Variants in TOMM7 observed in about 807,000 individuals in gnomAD.
The protein encoded by TOMM7 is mitochondrial import receptor subunit TOM7 homolog.
Under a neutral mutation model 9.5 loss-of-function variants are expected in TOMM7, and 8 were observed. The observed-to-expected ratio is 0.84, with a 90% confidence interval of 0.49 to 1.51. The LOEUF is 1.51. TOMM7 is among the 40% of genes most tolerant of loss of function. TOMM7 has a pLI of 0.00. For missense variants in TOMM7, 74 were observed against 63.7 expected (o/e 1.16, Z -0.55); for synonymous variants, 27 against 21.4 (o/e 1.26, Z -0.72).
At chr7:22,816,636 G>A (rs542208523) in intron 2 of TOMM7, among the ~76,000 whole-genome samples, 1 of 152,218 alleles carries the variant, frequency 6.6e-6, no homozygotes, top group Non-Finnish European at 1.5e-5. Context: ...AACTGCAGAA[G>A]TGAACAATTT....
At chr7:22,820,165 C>T (rs1213227297) in intron 1 of TOMM7, among the ~76,000 whole-genome samples, 2 of 152,144 alleles carry the variant, frequency 1.3e-5, no homozygotes, top group African/African-American at 2.4e-5. Flanking sequence ...CAGCAAGACC[C>T]TGTCTCTATT....
chr7:22,815,940 A>G (rs1004856384), intron 2 of TOMM7, among the ~76,000 whole-genome samples: 8 of 152,194 alleles, frequency 5.3e-5, no homozygotes, highest in Non-Finnish European at 1.0e-4. Flanking sequence ...CTAGAAGCAG[A>G]TTTCCATCCA....
At chr7:22,818,446 T>TG (rs1782344644) in intron 1 of TOMM7, 1 of 159,628 alleles carries the variant, frequency 6.3e-6, no homozygotes, top group African/African-American at 2.4e-5. Context: ...CCCAGCTAAA[T>TG]TTTTTTGTAT....
At chr7:22,821,047 T>C (rs1320106609) in intron 1 of TOMM7, among the ~76,000 whole-genome samples, 1 of 152,078 alleles carries the variant, frequency 6.6e-6, no homozygotes, top group Non-Finnish European at 1.5e-5. Context: ...ATGCTCAAAC[T>C]GACACAGCTG....
At position 22,822,736 on chromosome 7, in the gene TOMM7, A is replaced by G. The variant is rs1247414608; in HGVS notation, c.44T>C (p.Leu15Pro). The change falls in exon 1 of 3, where the codon CTC becomes CCC. Residue 15 changes from leucine (L) to proline (P), a missense_variant. Physicochemically the swap from Leu to Pro is moderately conservative, Grantham distance 98 (BLOSUM62 -3). Transcript: ENST00000358435. ...SKEAKQRLQQ[L>P]FKGSQFAIRW... ...AATGGCAAACTGGCTCCCCTTGAAGAGCTGCTGTAGTCTCTGCTTGGCCTC... is the reference window on the plus strand; with the variant it reads ...AATGGCAAACTGGCTCCCCTTGAAGGGCTGCTGTAGTCTCTGCTTGGCCTC... The G allele has an allele frequency of 6.2e-7, 1 of 1,614,064 alleles. No homozygotes were observed.
intron 2 of TOMM7, among the ~76,000 whole-genome samples, chr7:22,816,690 C>T (rs1475070050): frequency 6.6e-6 from 1 of 152,200 alleles, no homozygotes; most frequent in Non-Finnish European, 1.5e-5. Context: ...AAAAGACCTT[C>T]CTCTGAAAAA....
intron 1 of TOMM7, among the ~76,000 whole-genome samples, chr7:22,821,341 CGGAGCT>C (rs1289876671): frequency 6.7e-5 from 10 of 149,078 alleles, no homozygotes; most frequent in African/African-American, 2.5e-4. Flanking sequence ...ACCCGGGAGG[CGGAGCT>C]TGCAGTGAGC....
intron 2 of TOMM7, chr7:22,817,484 C>T: frequency 4.2e-6 from 1 of 236,974 alleles, no homozygotes; most frequent in Non-Finnish European, 9.1e-6. Flanking sequence ...TTCAAGCAAT[C>T]CTCCCATGAT....
chr7:22,821,265 G>GCCC (rs1782385321), intron 1 of TOMM7, among the ~76,000 whole-genome samples: 1 of 151,990 alleles, frequency 6.6e-6, no homozygotes, highest in South Asian at 2.1e-4. Context: ...CAAAATATTA[G>GCCC]CCCGGCATGG....
Position 22,822,797 on chromosome 7 carries a change from G to C in TOMM7, c.-18C>G, listed in dbSNP as rs1782413978. 4 of 1,604,542 alleles carry C rather than the reference G, an allele frequency of 2.5e-6. No homozygotes were observed. The highest frequency in any genetic ancestry group is 3.4e-6 in the Non-Finnish European group (4 of 1,171,298). ...TTCACCATGGCGACGGCCGTGTGGC[G>C]CAGGGAGGACCCCTTACAGCAACCA... On this transcript the variant is annotated 5_prime_UTR_variant, in exon 1 of 3. Coordinates refer to ENST00000358435, the MANE Select transcript of TOMM7 (RefSeq NM_019059.5).
In TOMM7 at chr7:22,817,984, G is replaced by T. The variant is rs1246840270; in HGVS notation, c.152+16C>A. ...ATGAACATTTGTCCTGAAATGTTTA[G>T]TTTTAAGAGCAGTACCTCAAAACAG... On this transcript the variant is annotated intron_variant, in intron 2 of 2. Transcript: ENST00000358435. 6.2e-7 allele frequency: 1 copy of T among 1,612,598 alleles called. No homozygotes were observed. Among genetic ancestry groups the T allele is most frequent in the Non-Finnish European group, 8.5e-7 (1 of 1,178,956 alleles).
rs1179196948 is a variant in TOMM7 at position 22,820,216 on chromosome 7, G to A, written c.104-2168C>T. Among the ~76,000 whole-genome samples, 4 of 152,164 alleles carry A rather than the reference G, an allele frequency of 2.6e-5. No homozygotes were observed. In the East Asian group the frequency reaches 7.7e-4, roughly 29 times the overall value. On this transcript the variant is annotated intron_variant, in intron 1 of 2. Coordinates refer to ENST00000358435, the MANE Select transcript of TOMM7 (RefSeq NM_019059.5). The stretch of plus-strand genomic sequence containing the variant: ...GTTTAGACATAAAATTAAATATACA[G>A]TATAAAGGAAAAGACAATGATAGAC...
Position 22,822,757 on chromosome 7 carries a change from G to A in TOMM7, c.23C>T (p.Ala8Val). 6.2e-7 allele frequency: 1 copy of A among 1,614,190 alleles called. No homozygotes were observed. Among genetic ancestry groups the A allele is most frequent in the Non-Finnish European group, 8.5e-7 (1 of 1,180,006 alleles). The change falls in exon 1 of 3, where the codon GCC becomes GTC. Residue 8 changes from alanine (A) to valine (V), a missense_variant. By Grantham distance (64) the Ala-to-Val change is moderately conservative. Transcript: ENST00000358435. The part of the protein sequence containing the change: MVKLSKE[A>V]KQRLQQLFKG... ...GAAGAGCTGCTGTAGTCTCTGCTTG[G>A]CCTCTTTGCTCAGCTTCACCATGGC...
At chr7:22,820,391 A>G (rs957996975) in intron 1 of TOMM7, among the ~76,000 whole-genome samples, 3 of 152,224 alleles carry the variant, frequency 2.0e-5, no homozygotes, top group African/African-American at 2.4e-5. Context: ...GGAATGCATT[A>G]TCCACTCTTA....
intron 2 of TOMM7, among the ~76,000 whole-genome samples, chr7:22,815,547 T>C (rs1404517334): frequency 1.3e-5 from 2 of 151,564 alleles, no homozygotes; most frequent in Admixed American, 1.3e-4. Flanking sequence ...AAAACTAAAA[T>C]AAAATATAAA....
chr7:22,822,199 T>C, intron 1 of TOMM7: 2 of 1,550,864 alleles, frequency 1.3e-6, no homozygotes, highest in Non-Finnish European at 1.7e-6. Context: ...CCCTTCATCG[T>C]ACAGGTAAGA....
intron 2 of TOMM7, among the ~76,000 whole-genome samples, chr7:22,814,508 AAC>A (rs940678716): frequency 1.1e-4 from 16 of 152,106 alleles, no homozygotes; most frequent in African/African-American, 3.9e-4. Flanking sequence ...GACAGAAAAA[AAC>A]ACACAAAAAA....
At chr7:22,816,524 T>C (rs576499858) in intron 2 of TOMM7, among the ~76,000 whole-genome samples, 2 of 152,284 alleles carry the variant, frequency 1.3e-5, no homozygotes, top group African/African-American at 4.8e-5. Context: ...CTGAAAACAG[T>C]TTCTAAAAGT....
Position 22,822,813 on chromosome 7 carries a change from A to G in TOMM7, c.-34T>C. 6.5e-7 allele frequency: 1 copy of G among 1,537,522 alleles called. No homozygotes were observed. Among genetic ancestry groups the G allele is most frequent in the African/African-American group, 1.4e-5 (1 of 73,474 alleles). ...CCGTGTGGCGCAGGGAGGACCCCTT[A>G]CAGCAACCACAGCGTCGGGAATCCG... On this transcript the variant is annotated 5_prime_UTR_variant, in exon 1 of 3. Coordinates refer to ENST00000358435, the MANE Select transcript of TOMM7 (RefSeq NM_019059.5).
Sources: allele counts gnomAD v4.1 joint callset (sites outside exome capture counted in the v4.1 genomes callset), GRCh38; gene constraint gnomAD v4.1.1; transcripts MANE v1.5; gene names NCBI Gene and HGNC (gene_info 2026-07-23, HGNC 2026-07-21).